Variants in SEMA3D observed in about 807,000 individuals in gnomAD.
SEMA3D encodes the protein semaphorin 3D, also known as semaphorin-3D.
Under a neutral mutation model 100.1 loss-of-function variants are expected in SEMA3D, and 84 were observed. The ratio of observed to expected loss-of-function variants is 0.84; its 90% CI spans 0.70 to 1.01. The LOEUF (loss-of-function observed/expected upper bound fraction) is 1.01, where lower values mean the gene tolerates loss of function less well. SEMA3D is among the 50% of genes least tolerant of loss of function. The pLI is 0.00. For missense variants in SEMA3D, 875 were observed against 934.1 expected, an observed-to-expected ratio of 0.94 and a Z score of 0.82; for synonymous variants, 312 against 320.7, an observed-to-expected ratio of 0.97 and a Z score of 0.29.
intron 3 of SEMA3D, among the ~76,000 whole-genome samples, chr7:85,108,212 C>A (rs1583930788): frequency 6.6e-6 from 1 of 152,050 alleles, no homozygotes; most frequent in African/African-American, 2.4e-5. Flanking sequence ...ATGTCTAAAT[C>A]ATTTCTGTAT....
At chr7:85,187,687 A>G (rs1791599453), upstream of SEMA3D, among the ~76,000 whole-genome samples, 1 of 152,218 alleles carries the variant, frequency 6.6e-6, no homozygotes, top group Non-Finnish European at 1.5e-5. Flanking sequence ...ACTTAGAAGT[A>G]TATAATGACG....
rs1424568518 is a variant in SEMA3D, at chr7:85,083,814, T to C, written c.313-2235A>G. Among the ~76,000 whole-genome samples the C allele has an allele frequency of 1.9e-3, 209 of 112,080 alleles. No individual in the cohort carries two copies. The Middle Eastern group carries it at 0.022, about 12-fold the overall frequency. The allele number at this position is 112,080 out of a possible 152,430, so 73.5% of individuals were successfully genotyped here. On this transcript the variant is annotated intron_variant, in intron 4 of 18. Transcript: ENST00000284136. ...GTGAGCCGAGATCGCGCCACTGCAC[T>C]CCAGCCTGGGCGACAGAGCGAGACT...
intron 3 of SEMA3D, among the ~76,000 whole-genome samples, chr7:85,100,608 A>G (rs145390997): frequency 1.2e-3 from 188 of 152,050 alleles, no homozygotes; most frequent in African/African-American, 4.3e-3. Context: ...GGATATAGGC[A>G]CTAAGGTAAT....
chr7:85,218,447 CTA>C, the SEMA3D span, among the ~76,000 whole-genome samples: 2 of 151,980 alleles, frequency 1.3e-5, no homozygotes, highest in Admixed American at 6.6e-5. Context: ...TGATGCGACT[CTA>C]TATTTCAAAT....
chr7:85,068,163 G>A (rs374349088), intron 7 of SEMA3D, 28 bp downstream of exon 7: 10 of 1,277,174 alleles, frequency 7.8e-6, no homozygotes, highest in Non-Finnish European at 1.1e-5. Context: ...ACCATTTAAG[G>A]ATAAGAACTG....
intron 9 of SEMA3D, among the ~76,000 whole-genome samples, chr7:85,050,019 C>CCGAA (rs369097726): frequency 1.3e-5 from 2 of 151,002 alleles, no homozygotes; most frequent in Admixed American, 6.6e-5. Context: ...GCAAGTCTCA[C>CCGAA]CGAAAGAACT....
At chr7:85,181,805 C>G (rs1382229909) in intron 1 of SEMA3D, 7 of 967,160 alleles carry the variant, frequency 7.2e-6, no homozygotes, top group Admixed American at 6.2e-5. Flanking sequence ...TTAAAGATGA[C>G]CTGGTTGATG....
intron 17 of SEMA3D, among the ~76,000 whole-genome samples, chr7:85,010,349 A>G (rs1789917338): frequency 1.3e-5 from 2 of 151,768 alleles, no homozygotes; most frequent in South Asian, 4.1e-4. Flanking sequence ...TGAGTAAGGG[A>G]GTGACATGCC....
chr7:85,008,670 C>T (rs763061402), intron 17 of SEMA3D, among the ~76,000 whole-genome samples: 1 of 151,604 alleles, frequency 6.6e-6, no homozygotes, highest in Non-Finnish European at 1.5e-5. Context: ...TAGTTGCAGT[C>T]AAAAGGCAGG....
intron 9 of SEMA3D, among the ~76,000 whole-genome samples, chr7:85,044,410 G>A (rs1014452933): frequency 6.6e-6 from 1 of 151,938 alleles, no homozygotes. Flanking sequence ...TACATTTTCA[G>A]TAACAGTTCT....
At chr7:85,016,937 A>C (rs947366390) in intron 15 of SEMA3D, among the ~76,000 whole-genome samples, 1 of 151,350 alleles carries the variant, frequency 6.6e-6, no homozygotes, top group African/African-American at 2.4e-5. Context: ...CATTGTTTTT[A>C]AGATATGCTG....
At chr7:85,005,431 C>T (rs1290461869) in intron 18 of SEMA3D, among the ~76,000 whole-genome samples, 4 of 151,796 alleles carry the variant, frequency 2.6e-5, no homozygotes, top group Admixed American at 6.6e-5. Flanking sequence ...GGAATGATGA[C>T]GAATCTAGTT....
intron 1 of SEMA3D, chr7:85,167,467 C>A (rs1215662267): frequency 1.3e-6 from 1 of 742,010 alleles, no homozygotes; most frequent in East Asian, 1.3e-4. Context: ...TGTTGGACGT[C>A]TATTTGTGGT....
the SEMA3D span, among the ~76,000 whole-genome samples, chr7:85,232,198 G>A: frequency 7.2e-5 from 11 of 152,128 alleles, no homozygotes; most frequent in Admixed American, 5.2e-4. Context: ...ATCAGTGCTG[G>A]GGAATCACAT....
chr7:85,201,074 G>A, the SEMA3D span, among the ~76,000 whole-genome samples: 1 of 152,196 alleles, frequency 6.6e-6, no homozygotes, highest in African/African-American at 2.4e-5. Flanking sequence ...TTGTTCCACA[G>A]TATCCTCTTC....
chr7:85,204,508 T>C, the SEMA3D span, among the ~76,000 whole-genome samples: 4 of 152,146 alleles, frequency 2.6e-5, no homozygotes, highest in African/African-American at 9.7e-5. Context: ...TAAACTTAAG[T>C]ACTAAGTAAT....
intron 12 of SEMA3D, chr7:85,029,609 A>G (rs939849311): frequency 4.3e-6 from 2 of 464,168 alleles, no homozygotes; most frequent in Non-Finnish European, 8.2e-6. Context: ...AAGGCATGCT[A>G]GGAGGAATGC....
Position 85,005,286 on chromosome 7 carries a change from T to C in SEMA3D, c.1908+1516A>G, listed in dbSNP as rs190171156. On this transcript the variant is annotated intron_variant, in intron 18 of 18. Transcript: ENST00000284136. The stretch of plus-strand genomic sequence containing the variant: ...CAATATTTCTTGGATAGTAAATAAA[T>C]GCCTTATATTTTGAAATTAAATAAT... 3.9e-5 allele frequency among the ~76,000 whole-genome samples: 6 copies of C among 152,172 alleles called. No homozygotes were observed. In the East Asian group the frequency reaches 1.2e-3, roughly 30 times the overall value.
At chr7:85,152,053 G>C (rs1790441844) in intron 2 of SEMA3D, among the ~76,000 whole-genome samples, 2 of 151,686 alleles carry the variant, frequency 1.3e-5, no homozygotes, top group Admixed American at 1.3e-4. Context: ...GTACAATTTT[G>C]TCTCCCTTTG....
Sources: allele counts gnomAD v4.1 joint callset (sites outside exome capture counted in the v4.1 genomes callset), GRCh38; gene constraint gnomAD v4.1.1; transcripts MANE v1.5; gene names NCBI Gene and HGNC (gene_info 2026-07-23, HGNC 2026-07-21).